Variants in SLC35E2B observed in about 807,000 individuals in gnomAD.
The protein encoded by SLC35E2B is solute carrier family 35 member E2B, also known as solute carrier family 35, member E2B.
A neutral mutation model predicts 32.4 loss-of-function variants in SLC35E2B; 18 were observed. That is an observed-to-expected ratio of 0.56 (90% confidence interval 0.38 to 0.82). The LOEUF (loss-of-function observed/expected upper bound fraction) is 0.82, where lower values mean the gene tolerates loss of function less well. Ranked by LOEUF, SLC35E2B falls within the 40% of genes least tolerant of loss-of-function variation. SLC35E2B has a pLI of 0.00. For synonymous variants in SLC35E2B, 132 were observed against 209.1 expected (o/e 0.63, Z 3.18); for missense variants, 263 against 469.5 (o/e 0.56, Z 4.06).
intron 2 of SLC35E2B, among the ~76,000 whole-genome samples, chr1:1,677,880 C>T (rs569171531): frequency 3.0e-4 from 45 of 151,926 alleles, no homozygotes; most frequent in African/African-American, 9.7e-4. Flanking sequence ...TCAGAACAGC[C>T]GTTTCCTCCT....
rs1234590647 is a variant in SLC35E2B at position 1,664,319 on chromosome 1, G to A, written c.*1463C>T. On this transcript the variant is annotated 3_prime_UTR_variant, in exon 10 of 10. Transcript: ENST00000617444. ...TCTGAATGATTTTATCTTCAGGAGG[G>A]GCTATTTTTGTATTTCCCAGGTGAG... 4.4e-5 allele frequency: 40 copies of A among 918,590 alleles called. 3 individuals are homozygous for A. Among genetic ancestry groups the A allele is most frequent in the Non-Finnish European group, 5.2e-5 (40 of 768,982 alleles). The allele number at this position is 918,590 out of a possible 1,614,324, so 56.9% of individuals were successfully genotyped here. A position where few individuals can be genotyped will look rare whatever the true frequency, so the allele number is the denominator to read the frequency against.
At position 1,682,228 on chromosome 1, in the gene SLC35E2B, C is replaced by A. The variant is rs1570341201; in HGVS notation, c.-147-5382G>T. On this transcript the variant is annotated intron_variant, in intron 2 of 9. Coordinates refer to ENST00000617444, the MANE Select transcript of SLC35E2B (RefSeq NM_001290264.2). ...AAAAACAAGAAAATAAAGCACTTCG[C>A]CGAGGCTGACTTGGGTCACAGAGGG... Among the ~76,000 whole-genome samples the A allele has an allele frequency of 2.0e-5, 3 of 152,034 alleles. No individual in the cohort carries two copies. In the East Asian group the frequency reaches 5.8e-4, roughly 29 times the overall value.
intron 2 of SLC35E2B, among the ~76,000 whole-genome samples, chr1:1,678,461 C>T (rs1353672047): frequency 6.6e-6 from 1 of 152,052 alleles, no homozygotes; most frequent in African/African-American, 2.4e-5. Flanking sequence ...CCTCCCCTCC[C>T]CCTGCTGTGT....
intron 2 of SLC35E2B, among the ~76,000 whole-genome samples, chr1:1,678,834 C>T (rs1268852323): frequency 1.3e-5 from 2 of 152,162 alleles, no homozygotes; most frequent in Admixed American, 1.3e-4. Context: ...GGGCCCTGAG[C>T]CAGGGAGCTA....
intron 5 of SLC35E2B, chr1:1,672,903 G>C (rs1348789403): frequency 1.3e-5 from 2 of 153,064 alleles, no homozygotes; most frequent in African/African-American, 4.8e-5. Context: ...TTTGCTAAAT[G>C]GTATCAAGAT....
intron 2 of SLC35E2B, among the ~76,000 whole-genome samples, chr1:1,687,299 G>A (rs1208549618): frequency 1.3e-5 from 2 of 151,998 alleles, no homozygotes; most frequent in East Asian, 1.9e-4. Context: ...TAAAGGGGCT[G>A]GGCGCAATGG....
chr1:1,671,366 T>G, intron 6 of SLC35E2B, 143 bp downstream of exon 6: 2 of 947,036 alleles, frequency 2.1e-6, no homozygotes, highest in Non-Finnish European at 2.8e-6. Context: ...TACCTGTTGT[T>G]TTGCTCTTTA....
intron 5 of SLC35E2B, chr1:1,672,684 G>C (rs1172172964): frequency 2.6e-5 from 4 of 152,268 alleles, no homozygotes; most frequent in Non-Finnish European, 5.9e-5. Context: ...TGGCATCTGG[G>C]GGTCCCCATG....
intron 2 of SLC35E2B, among the ~76,000 whole-genome samples, chr1:1,680,232 T>A (rs1643889060): frequency 6.7e-6 from 1 of 149,718 alleles, no homozygotes; most frequent in Non-Finnish European, 1.5e-5. Context: ...ACAAGAGAGG[T>A]CAAGGCTGCA....
At position 1,665,636 on chromosome 1, in the gene SLC35E2B, C is replaced by G; in HGVS notation, c.*146G>C. The G allele has an allele frequency of 1.5e-6, 2 of 1,303,660 alleles. No individual in the cohort carries two copies. The highest frequency in any genetic ancestry group is 2.0e-6 in the Non-Finnish European group (2 of 976,808). The allele number at this position is 1,303,660 out of a possible 1,614,324, so 80.8% of individuals were successfully genotyped here. On this transcript the variant is annotated 3_prime_UTR_variant, in exon 10 of 10. Transcript: ENST00000617444. ...CCCAGTTTGAGTTTCTGCTGGTCTT[C>G]ACCGACAAACCGAGAAAGCCGCAGG...
rs544767266 is a variant in SLC35E2B, at chr1:1,666,844, G to A, written c.981-825C>T. On this transcript the variant is annotated intron_variant, in intron 9 of 9. Coordinates refer to ENST00000617444, the MANE Select transcript of SLC35E2B (RefSeq NM_001290264.2). ...GTGGAGGCCGGGCGCCGTGGCTCAC[G>A]CCTGTAATCCCAGCACTGTGGGAGG... Among the ~76,000 whole-genome samples, 23 of 152,178 alleles carry A rather than the reference G, an allele frequency of 1.5e-4. No individual in the cohort carries two copies. The East Asian group carries it at 3.3e-3, about 22-fold the overall frequency.
Position 1,664,357 on chromosome 1 carries a change from A to C in SLC35E2B, c.*1425T>G. 1 of 951,086 alleles carries C rather than the reference A, an allele frequency of 1.1e-6. No individual in the cohort carries two copies. The highest frequency in any genetic ancestry group is 1.3e-6 in the Non-Finnish European group (1 of 799,670). 58.9% of individuals were successfully genotyped at this position (951,086 alleles called of 1,614,324 possible). Reference sequence around the variant, plus strand: ...TTTCCCAGGTGAGAAGCCAAATGGAAAGCCAGTGAAGTGACCATGGGTGCC... The same window carrying C: ...TTTCCCAGGTGAGAAGCCAAATGGACAGCCAGTGAAGTGACCATGGGTGCC... On this transcript the variant is annotated 3_prime_UTR_variant, in exon 10 of 10. Transcript: ENST00000617444.
chr1:1,669,620 G>C, intron 8 of SLC35E2B, 44 bp downstream of exon 8: 2 of 1,486,184 alleles, frequency 1.3e-6, no homozygotes, highest in Non-Finnish European at 1.8e-6. Flanking sequence ...ACCGGAGAAG[G>C]CAGCCCGGCA....
chr1:1,678,230 A>G lies in SLC35E2B; in HGVS notation c.-147-1384T>C, dbSNP rs1165670040. ...ATGTTTATGCACTTGCGTGCGTGCCATATGTATACATAAATATTCTGTGTT... is the reference window on the plus strand; with the variant it reads ...ATGTTTATGCACTTGCGTGCGTGCCGTATGTATACATAAATATTCTGTGTT... On this transcript the variant is annotated intron_variant, in intron 2 of 9. Transcript: ENST00000617444. Among the ~76,000 whole-genome samples, 2 of 151,944 alleles carry G rather than the reference A, an allele frequency of 1.3e-5. 1 individual carries two copies. Among genetic ancestry groups the G allele is most frequent in the Non-Finnish European group, 2.9e-5 (2 of 67,992 alleles).
At chr1:1,675,627 AGTCT>A (rs1241401837) in intron 4 of SLC35E2B, 37 bp from the exon 5 acceptor site, 17 of 1,483,302 alleles carry the variant, frequency 1.1e-5, no homozygotes, top group Non-Finnish European at 1.3e-5. Context: ...CCTTAGAACG[AGTCT>A]GTCTGCCTGC....
intron 5 of SLC35E2B, chr1:1,671,865 CAG>C (rs954914461): frequency 2.8e-6 from 1 of 362,566 alleles, no homozygotes; most frequent in African/African-American, 2.1e-5. Flanking sequence ...ATGCGTCCCC[CAG>C]AGACTGAGCC....
At chr1:1,675,396 C>T (rs1300325012) in intron 5 of SLC35E2B, 67 bp downstream of exon 5, 23 of 1,547,402 alleles carry the variant, frequency 1.5e-5, no homozygotes, top group African/African-American at 2.8e-5. Flanking sequence ...GCAGCAGAGA[C>T]GGGCACCACG....
rs374715536 is a variant in SLC35E2B at position 1,667,133 on chromosome 1, G to A, written c.981-1114C>T. On this transcript the variant is annotated intron_variant, in intron 9 of 9. Coordinates refer to ENST00000617444, the MANE Select transcript of SLC35E2B (RefSeq NM_001290264.2). ...GAAAAATAAAATACATAGGCAGGGC[G>A]CGGTGGCTCACGCCTGTAATCCCAG... is the stretch of plus-strand genomic sequence containing the variant. Among the ~76,000 whole-genome samples, 4 of 2,360 alleles carry A rather than the reference G, an allele frequency of 1.7e-3. 1 individual carries two copies. Among genetic ancestry groups the A allele is most frequent in the African/African-American group, 7.0e-3 (4 of 572 alleles). 1.5% of individuals were successfully genotyped at this position (2,360 alleles called of 152,430 possible). A position where few individuals can be genotyped will look rare whatever the true frequency, so the allele number is the denominator to read the frequency against.
At chr1:1,671,689 G>A in intron 5 of SLC35E2B, 60 bp from the exon 6 acceptor site, 1 of 1,416,832 alleles carries the variant, frequency 7.1e-7, no homozygotes, top group Non-Finnish European at 9.3e-7. Context: ...CCCTCCCGAG[G>A]GCCAGGCTGT....
Sources: gnomAD v4.1 joint callset for allele counts (sites outside exome capture counted in the v4.1 genomes callset) on GRCh38, gnomAD v4.1.1 for gene constraint, MANE v1.5 for transcripts, NCBI Gene and HGNC (gene_info 2026-07-23, HGNC 2026-07-21) for gene names.